EPS15: variants seen among roughly 807,000 people sequenced by gnomAD.
EPS15 encodes epidermal growth factor receptor pathway substrate 15.
Under a neutral mutation model 113.8 loss-of-function variants are expected in EPS15, and 72 were observed. The ratio of observed to expected loss-of-function variants is 0.63; its 90% CI spans 0.52 to 0.77. The LOEUF is 0.77. Ranked by LOEUF, EPS15 falls within the 30% of genes least tolerant of loss-of-function variation. The pLI is 0.00. For missense variants in EPS15, 1,048 were observed against 1,045.8 expected, an observed-to-expected ratio of 1.00 and a Z score of -0.03; for synonymous variants, 344 against 363.4, an observed-to-expected ratio of 0.95 and a Z score of 0.61.
chr1:51,399,905 A>G (rs1648353823), intron 19 of EPS15, among the ~76,000 whole-genome samples: 1 of 152,170 alleles, frequency 6.6e-6, no homozygotes, highest in Admixed American at 6.5e-5. Flanking sequence ...GTAGAATCTA[A>G]GCTGAGTACT....
chr1:51,373,225 T>A (rs1257726091), intron 21 of EPS15: 3 of 154,088 alleles, frequency 1.9e-5, no homozygotes, highest in African/African-American at 7.2e-5. Flanking sequence ...GGAGAAAAAG[T>A]TAAAGATGCA....
At chr1:51,503,305 C>T (rs1240734777) in intron 1 of EPS15, among the ~76,000 whole-genome samples, 2 of 152,038 alleles carry the variant, frequency 1.3e-5, no homozygotes, top group Non-Finnish European at 2.9e-5. Flanking sequence ...GATAGAATTG[C>T]AAGGAATCCG....
chr1:51,490,073 G>A (rs1172707603), intron 1 of EPS15, among the ~76,000 whole-genome samples: 1 of 152,104 alleles, frequency 6.6e-6, no homozygotes. Context: ...TAATAAAAAA[G>A]ATCCCAGTTA....
chr1:51,434,174 T>A (rs1185802667), intron 12 of EPS15, among the ~76,000 whole-genome samples: 2 of 152,238 alleles, frequency 1.3e-5, no homozygotes, highest in African/African-American at 4.8e-5. Flanking sequence ...TTACCATGAT[T>A]CAGCAATTCC....
At chr1:51,408,795 C>G in intron 14 of EPS15, among the ~76,000 whole-genome samples, 1 of 124,102 alleles carries the variant, frequency 8.1e-6, no homozygotes, top group East Asian at 2.1e-4. Context: ...GCCTGGCTTT[C>G]AATTTTTTTT....
chr1:51,399,799 T>C (rs976499366), intron 19 of EPS15, among the ~76,000 whole-genome samples: 4 of 151,764 alleles, frequency 2.6e-5, no homozygotes, highest in African/African-American at 7.3e-5. Context: ...GAGGCGGAGG[T>C]TGCAGTGAGT....
At chr1:51,423,499 T>A in intron 12 of EPS15, 1 of 985,404 alleles carries the variant, frequency 1.0e-6, no homozygotes, top group Non-Finnish European at 1.2e-6. Context: ...ATGTTAGAGA[T>A]AAGTCACATG....
intron 1 of EPS15, among the ~76,000 whole-genome samples, chr1:51,495,424 G>A (rs1160466847): frequency 2.0e-5 from 3 of 151,304 alleles, no homozygotes. Flanking sequence ...GAACCATACA[G>A]AATACCAGTC....
chr1:51,461,169 G>A lies in EPS15; in HGVS notation c.502-19C>T. The A allele has an allele frequency of 6.5e-7, 1 of 1,532,880 alleles. No homozygotes were observed. Among genetic ancestry groups the A allele is most frequent in the Admixed American group, 1.7e-5 (1 of 59,336 alleles). 95.0% of individuals were successfully genotyped at this position (1,532,880 alleles called of 1,614,324 possible). A position where few individuals can be genotyped will look rare whatever the true frequency, so the allele number is the denominator to read the frequency against. The stretch of plus-strand genomic sequence containing the variant: ...CCCAAACCTTAAAAAGAGAATAATT[G>A]AAAAAAGATTAATGTTCTTTCAGTT... On this transcript the variant is annotated intron_variant, in intron 7 of 24. Coordinates refer to ENST00000371733, the MANE Select transcript of EPS15 (RefSeq NM_001981.3).
intron 13 of EPS15, among the ~76,000 whole-genome samples, chr1:51,413,050 T>C (rs1262190243): frequency 6.6e-6 from 1 of 152,222 alleles, no homozygotes; most frequent in Non-Finnish European, 1.5e-5. Flanking sequence ...TTCTGGGTTC[T>C]ACCTTCTTTT....
chr1:51,421,616 A>G (rs1191541461), intron 13 of EPS15, among the ~76,000 whole-genome samples, 170 bp downstream of exon 13: 2 of 152,204 alleles, frequency 1.3e-5, no homozygotes, highest in Admixed American at 6.6e-5. Flanking sequence ...TTTGCAGGCC[A>G]GAATTCCAAG....
chr1:51,403,390 C>A, intron 17 of EPS15, 29 bp downstream of exon 17: 2 of 1,242,886 alleles, frequency 1.6e-6, no homozygotes, highest in Non-Finnish European at 2.4e-6. Context: ...CTTACAAGTC[C>A]CCAATGTAAA....
At chr1:51,436,938 G>C (rs756051823) in intron 12 of EPS15, among the ~76,000 whole-genome samples, 3 of 152,068 alleles carry the variant, frequency 2.0e-5, no homozygotes, top group Admixed American at 1.3e-4. Flanking sequence ...TACAGGTCTT[G>C]AGCTCAAGTA....
intron 19 of EPS15, among the ~76,000 whole-genome samples, chr1:51,400,557 T>A (rs1024673342): frequency 6.6e-6 from 1 of 150,798 alleles, no homozygotes; most frequent in Non-Finnish European, 1.5e-5. Flanking sequence ...ATCAGTCAAG[T>A]ATGCTGGCAT....
In EPS15 at chr1:51,454,374, GAAT is replaced by G. The variant is rs111342849; in HGVS notation, c.562-6242_562-6240del. On this transcript the variant is annotated intron_variant, in intron 8 of 24. Transcript: ENST00000371733. ...AAGGGCATGAGTCTATACTTCCAGA[GAAT>G]AGAGTAGGAAAAGGGAAAAAGTAAC... 7.1e-3 allele frequency among the ~76,000 whole-genome samples: 1,078 copies of G among 152,310 alleles called. 7 individuals are homozygous for G. Among genetic ancestry groups the G allele is most frequent in the African/African-American group, 0.025 (1,035 of 41,568 alleles).
intron 1 of EPS15, among the ~76,000 whole-genome samples, chr1:51,511,135 C>T (rs976688347): frequency 6.6e-6 from 1 of 151,724 alleles, no homozygotes; most frequent in Non-Finnish European, 1.5e-5. Context: ...CACTGCACTC[C>T]AGCCTGAGCG....
intron 21 of EPS15, among the ~76,000 whole-genome samples, chr1:51,370,343 T>G (rs1646616289): frequency 6.6e-6 from 1 of 152,178 alleles, no homozygotes; most frequent in South Asian, 2.1e-4. Context: ...GTGTTTTGGA[T>G]TTCAGATTTT....
intron 8 of EPS15, 44 bp downstream of exon 8, chr1:51,461,047 A>T: frequency 7.8e-7 from 1 of 1,274,244 alleles, no homozygotes; most frequent in African/African-American, 1.5e-5. Flanking sequence ...CACATGAGAA[A>T]ATCATTAAGA....
chr1:51,460,272 G>A (rs1001721615), intron 8 of EPS15, among the ~76,000 whole-genome samples: 2 of 152,160 alleles, frequency 1.3e-5, no homozygotes, highest in Non-Finnish European at 2.9e-5. Context: ...TGAATTCACA[G>A]CAAAGTTTTA....
Sources: allele counts gnomAD v4.1 joint callset (sites outside exome capture counted in the v4.1 genomes callset), GRCh38; gene constraint gnomAD v4.1.1; transcripts MANE v1.5; gene names NCBI Gene and HGNC (gene_info 2026-07-23, HGNC 2026-07-21).